Variants in ATP8A2 observed in about 807,000 individuals in gnomAD.
ATP8A2 encodes ATPase phospholipid transporting 8A2.
In ATP8A2, 100 loss-of-function variants were observed where a neutral mutation model predicts 165.6. The observed-to-expected ratio is 0.60, with a 90% CI of 0.51 to 0.71. ATP8A2 has a LOEUF of 0.71. Ranked by LOEUF, ATP8A2 falls within the 30% of genes least tolerant of loss-of-function variation. The pLI is 0.00. For synonymous variants in ATP8A2, 543 were observed against 548.8 expected (o/e 0.99, Z 0.15); for missense variants, 1,227 against 1,479.5 (o/e 0.83, Z 2.80).
chr13:26,019,595 T>A (rs1449405347), intron 36 of ATP8A2, among the ~76,000 whole-genome samples: 1 of 152,154 alleles, frequency 6.6e-6, no homozygotes, highest in Non-Finnish European at 1.5e-5. Flanking sequence ...CTGTGTGTGA[T>A]TCCCACACTG....
intron 24 of ATP8A2, among the ~76,000 whole-genome samples, chr13:25,691,317 G>A (rs762336869): frequency 6.2e-4 from 94 of 152,270 alleles, no homozygotes; most frequent in Middle Eastern, 3.4e-3. Flanking sequence ...TGAATCCTAC[G>A]CTTAAAATGG....
At chr13:25,454,530 G>A (rs2035311290) in intron 1 of ATP8A2, among the ~76,000 whole-genome samples, 1 of 152,190 alleles carries the variant, frequency 6.6e-6, no homozygotes, top group Non-Finnish European at 1.5e-5. Context: ...AGAGAAGCAA[G>A]CAGAGCTGGG....
chr13:25,534,124 G>A (rs1762245443), intron 6 of ATP8A2: 2 of 519,030 alleles, frequency 3.9e-6, no homozygotes, highest in East Asian at 5.5e-5. Flanking sequence ...AAAAATGCCC[G>A]TGATATGGTA....
At chr13:25,778,725 T>C (rs1204851695) in intron 27 of ATP8A2, among the ~76,000 whole-genome samples, 1 of 152,116 alleles carries the variant, frequency 6.6e-6, no homozygotes, top group Non-Finnish European at 1.5e-5. Flanking sequence ...TGCCTTCTGA[T>C]GAAATGCCCA....
chr13:25,811,241 A>G (rs548169944), intron 27 of ATP8A2, among the ~76,000 whole-genome samples: 1 of 152,330 alleles, frequency 6.6e-6, no homozygotes, highest in African/African-American at 2.4e-5. Context: ...TGAAATACAT[A>G]GCAATATCAG....
rs183254049 is a variant in ATP8A2, at chr13:25,790,346, G to A, written c.2679+15387G>A. ...TATAGGTCCAAAGGTCTAATATCTA[G>A]CATCTATAAGGAACTTAGACAAATT... is the stretch of plus-strand genomic sequence containing the variant. On this transcript the variant is annotated intron_variant, in intron 27 of 36. Coordinates refer to ENST00000381655, the MANE Select transcript of ATP8A2 (RefSeq NM_016529.6). Among the ~76,000 whole-genome samples the A allele has an allele frequency of 7.4e-3, 1,129 of 152,170 alleles. 7 individuals carry two copies. Among genetic ancestry groups the A allele is most frequent in the Non-Finnish European group, 0.012 (831 of 67,988 alleles).
chr13:25,719,989 C>T (rs978802936), intron 25 of ATP8A2, among the ~76,000 whole-genome samples: 1 of 151,934 alleles, frequency 6.6e-6, no homozygotes, highest in Non-Finnish European at 1.5e-5. Context: ...GTAGCATCCC[C>T]TCTGTGCTGG....
rs557168246 is a variant in ATP8A2, at chr13:25,799,201, G to C, written c.2679+24242G>C. On this transcript the variant is annotated intron_variant, in intron 27 of 36. Transcript: ENST00000381655. ...CTTGGCCTAGGGTAGGTAATTATTG[G>C]AGAAGGAACTAGGATGATAAGGGTT... Among the ~76,000 whole-genome samples the C allele has an allele frequency of 2.0e-5, 3 of 152,302 alleles. No individual in the cohort carries two copies. In the East Asian group the frequency reaches 5.8e-4, roughly 29 times the overall value.
At chr13:25,690,197 G>A (rs957537978) in intron 24 of ATP8A2, among the ~76,000 whole-genome samples, 3 of 151,280 alleles carry the variant, frequency 2.0e-5, no homozygotes, top group Non-Finnish European at 2.9e-5. Context: ...TCAGTAAATA[G>A]TAGTAATTAA....
intron 1 of ATP8A2, among the ~76,000 whole-genome samples, chr13:25,443,716 A>G (rs2034994030): frequency 6.6e-6 from 1 of 152,072 alleles, no homozygotes; most frequent in Admixed American, 6.6e-5. Flanking sequence ...TGCATAAATT[A>G]TTTGTTTATT....
At chr13:25,510,813 C>T (rs2037202098) in intron 2 of ATP8A2, among the ~76,000 whole-genome samples, 1 of 152,082 alleles carries the variant, frequency 6.6e-6, no homozygotes, top group South Asian at 2.1e-4. Flanking sequence ...CTAAACTTAG[C>T]TAAAATAATC....
intron 1 of ATP8A2, among the ~76,000 whole-genome samples, chr13:25,374,530 C>T (rs1363523946): frequency 2.0e-5 from 3 of 152,106 alleles, no homozygotes; most frequent in African/African-American, 4.8e-5. Context: ...TGAACATCAA[C>T]GCAGGAAGCT....
At chr13:25,677,699 C>T (rs974572594) in intron 24 of ATP8A2, among the ~76,000 whole-genome samples, 1 of 152,104 alleles carries the variant, frequency 6.6e-6, no homozygotes, top group Admixed American at 6.5e-5. Context: ...CCTGTATTCT[C>T]TGTTATAGTT....
chr13:25,555,914 G>A (rs1008207373), intron 13 of ATP8A2, among the ~76,000 whole-genome samples: 4 of 111,904 alleles, frequency 3.6e-5, no homozygotes, highest in Non-Finnish European at 8.4e-5. Context: ...TAAGATAATG[G>A]CCTCCAGCTC....
At chr13:25,734,205 C>T (rs764255565) in intron 25 of ATP8A2, among the ~76,000 whole-genome samples, 4 of 152,304 alleles carry the variant, frequency 2.6e-5, no homozygotes, top group Non-Finnish European at 5.9e-5. Flanking sequence ...AATAAAGCAT[C>T]ACCCTCCTTC....
chr13:25,409,948 G>C (rs1300442660), intron 1 of ATP8A2, among the ~76,000 whole-genome samples: 1 of 151,744 alleles, frequency 6.6e-6, no homozygotes, highest in Non-Finnish European at 1.5e-5. Context: ...TTTAATGTGT[G>C]TATGTATATA....
intron 33 of ATP8A2, among the ~76,000 whole-genome samples, chr13:25,882,713 G>A (rs1953017019): frequency 6.6e-6 from 1 of 152,158 alleles, no homozygotes; most frequent in African/African-American, 2.4e-5. Flanking sequence ...GATGGCTCTT[G>A]TTTGTACTGT....
intron 27 of ATP8A2, among the ~76,000 whole-genome samples, chr13:25,814,588 G>T (rs537521372): frequency 7.4e-6 from 1 of 134,482 alleles, no homozygotes. Context: ...GTAATTAAAT[G>T]ATTTTCAACA....
intron 25 of ATP8A2, among the ~76,000 whole-genome samples, chr13:25,745,380 G>A (rs1421281057): frequency 2.0e-5 from 3 of 152,192 alleles, no homozygotes; most frequent in African/African-American, 7.2e-5. Context: ...GATGTCAATG[G>A]GAAGTGGCGT....
Sources: allele counts gnomAD v4.1 joint callset (sites outside exome capture counted in the v4.1 genomes callset), GRCh38; gene constraint gnomAD v4.1.1; transcripts MANE v1.5; gene names NCBI Gene and HGNC (gene_info 2026-07-23, HGNC 2026-07-21).